Variants in CBLB observed in about 807,000 individuals in gnomAD.
The protein encoded by CBLB is E3 ubiquitin-protein ligase CBL-B.
CBLB carries 31 observed loss-of-function variants against 104.9 expected under a neutral mutation model. The ratio of observed to expected loss-of-function variants is 0.30; its 90% CI spans 0.22 to 0.40. The LOEUF is 0.40. CBLB is among the 10% of genes least tolerant of loss of function. The pLI, the probability that CBLB is intolerant of heterozygous loss-of-function variation, is 1.00. For missense variants in CBLB, 1,062 were observed against 1,214.6 expected (o/e 0.87, Z 1.87); for synonymous variants, 440 against 422.6 (o/e 1.04, Z -0.51).
intron 3 of CBLB, among the ~76,000 whole-genome samples, chr3:105,780,039 G>T (rs1318118860): frequency 6.6e-5 from 10 of 151,870 alleles, no homozygotes; most frequent in Admixed American, 3.3e-4. Flanking sequence ...TTTTAGTAGA[G>T]ACGGGGTTTC....
At chr3:105,848,989 T>C (rs1460504766) in intron 3 of CBLB, among the ~76,000 whole-genome samples, 2 of 152,166 alleles carry the variant, frequency 1.3e-5, no homozygotes, top group African/African-American at 2.4e-5. Flanking sequence ...CAGATTTTCA[T>C]AGATCAATAG....
chr3:105,700,280 T>C (rs2068900995), intron 12 of CBLB, among the ~76,000 whole-genome samples: 1 of 152,140 alleles, frequency 6.6e-6, no homozygotes, highest in South Asian at 2.1e-4. Context: ...TAACATGTTA[T>C]CTAAAAGAAC....
At chr3:105,664,585 T>C (rs1382905694) in intron 18 of CBLB, among the ~76,000 whole-genome samples, 3 of 152,162 alleles carry the variant, frequency 2.0e-5, no homozygotes, top group Non-Finnish European at 2.9e-5. Context: ...TTTCCTTTTA[T>C]TTTCCAATGC....
chr3:105,717,875 T>A (rs1418071237), intron 10 of CBLB, among the ~76,000 whole-genome samples: 2 of 152,224 alleles, frequency 1.3e-5, no homozygotes, highest in Non-Finnish European at 2.9e-5. Context: ...AGTGAGCATT[T>A]ATGACTTTGG....
At chr3:105,750,516 C>A (rs1443697075) in intron 5 of CBLB, among the ~76,000 whole-genome samples, 2 of 152,118 alleles carry the variant, frequency 1.3e-5, no homozygotes, top group Non-Finnish European at 2.9e-5. Flanking sequence ...GATCAATTTA[C>A]CTCATTTACT....
At position 105,704,087 on chromosome 3, in the gene CBLB, C is replaced by G. The variant is rs779328589; in HGVS notation, c.1494G>C (p.Gln498His). ...CGGGTGGCAGGCTTAGATGTGGGAT[C>G]TGGAGTGGGTCAGGCTGTGGCTTTC... ...QRRKPQPDPL[Q>H]IPHLSLPPVP... Residue 498 changes from glutamine (Q) to histidine (H), a missense_variant, in exon 11 of 19, where the codon CAG becomes CAC. By Grantham distance (24) the Gln-to-His change is conservative (BLOSUM62 0). Coordinates refer to ENST00000394030, the MANE Select transcript of CBLB (RefSeq NM_170662.5). 76 of 1,614,084 alleles carry G rather than the reference C, an allele frequency of 4.7e-5. 1 individual carries two copies. In the East Asian group the frequency reaches 1.6e-3, roughly 35 times the overall value.
chr3:105,852,659 C>A lies in CBLB; in HGVS notation c.419+755G>T, dbSNP rs993498404. On this transcript the variant is annotated intron_variant, in intron 3 of 18. Transcript: ENST00000394030. Reference sequence around the variant, plus strand: ...GTCCTAGGCCTTCACATTCACTCACCGTTCACTCACTCACTTCCAGTCTGG... The same window carrying A: ...GTCCTAGGCCTTCACATTCACTCACAGTTCACTCACTCACTTCCAGTCTGG... 5.0e-4 allele frequency among the ~76,000 whole-genome samples: 76 copies of A among 151,434 alleles called. 2 individuals are homozygous for A. Among genetic ancestry groups the A allele is most frequent in the Admixed American group, 5.0e-3 (76 of 15,190 alleles).
At position 105,704,182 on chromosome 3, in the gene CBLB, G is replaced by C; in HGVS notation, c.1408-9C>G. 6.2e-7 allele frequency: 1 copy of C among 1,613,312 alleles called. No individual in the cohort carries two copies. Among genetic ancestry groups the C allele is most frequent in the South Asian group, 1.1e-5 (1 of 91,044 alleles). On this transcript the variant is annotated splice_polypyrimidine_tract_variant and intron_variant, in intron 10 of 18. Coordinates refer to ENST00000394030, the MANE Select transcript of CBLB (RefSeq NM_170662.5). The stretch of plus-strand genomic sequence containing the variant: ...TTCTGCCTGTCAGTGCACTAGAACA[G>C]AAAAAGAGAAAGATGCCGCTGTTTA...
intron 14 of CBLB, among the ~76,000 whole-genome samples, chr3:105,683,165 TAATGATGGATTTTTACTGAAATTA>T (rs2066527254): frequency 6.6e-6 from 1 of 152,238 alleles, no homozygotes; most frequent in Admixed American, 6.5e-5. Flanking sequence ...ATCTTCATAA[TAATGATGGATTTTTACTGAAATTA>T]AATTGAATTA....
chr3:105,793,017 T>A (rs1290604531), intron 3 of CBLB, among the ~76,000 whole-genome samples: 2 of 152,166 alleles, frequency 1.3e-5, no homozygotes, highest in African/African-American at 4.8e-5. Context: ...TCCTTGTAAC[T>A]TAATAATTAA....
At chr3:105,689,180 T>G (rs1034718238) in intron 13 of CBLB, among the ~76,000 whole-genome samples, 1 of 152,074 alleles carries the variant, frequency 6.6e-6, no homozygotes, top group Non-Finnish European at 1.5e-5. Context: ...AGAGCTTAAA[T>G]TCCAAAGAGG....
At chr3:105,792,437 C>T (rs1018845028) in intron 3 of CBLB, among the ~76,000 whole-genome samples, 2 of 152,156 alleles carry the variant, frequency 1.3e-5, no homozygotes, top group African/African-American at 4.8e-5. Context: ...ACCTCAAGGG[C>T]AACTACTTAT....
intron 3 of CBLB, among the ~76,000 whole-genome samples, chr3:105,837,711 T>A (rs1313222798): frequency 6.6e-6 from 1 of 152,214 alleles, no homozygotes; most frequent in Admixed American, 6.5e-5. Context: ...AGAGTTGCTT[T>A]GAAATATATT....
chr3:105,813,847 T>G (rs184419546), intron 3 of CBLB, among the ~76,000 whole-genome samples: 2 of 152,292 alleles, frequency 1.3e-5, no homozygotes, highest in Admixed American at 1.3e-4. Context: ...TGTGACTGTT[T>G]CCTTGTCTTT....
intron 3 of CBLB, among the ~76,000 whole-genome samples, chr3:105,796,758 A>T (rs1013315989): frequency 3.9e-5 from 6 of 152,238 alleles, no homozygotes; most frequent in South Asian, 2.1e-4. Flanking sequence ...CCCATTAAAA[A>T]GTGGGCAAAG....
intron 15 of CBLB, 53 bp from the exon 16 acceptor site, chr3:105,681,663 T>C (rs1257960297): frequency 6.2e-7 from 1 of 1,611,960 alleles, no homozygotes; most frequent in Non-Finnish European, 8.5e-7. Flanking sequence ...GCATGAAATT[T>C]TGCCTTTAAA....
At chr3:105,741,554 C>T (rs2075586143) in intron 6 of CBLB, among the ~76,000 whole-genome samples, 1 of 152,160 alleles carries the variant, frequency 6.6e-6, no homozygotes, top group African/African-American at 2.4e-5. Context: ...CGCCACCACA[C>T]CCAGCTAATT....
chr3:105,838,933 C>T (rs1368049885), intron 3 of CBLB, among the ~76,000 whole-genome samples: 2 of 152,046 alleles, frequency 1.3e-5, no homozygotes, highest in African/African-American at 4.8e-5. Context: ...CTAAGTGACT[C>T]GAGACTGGAA....
intron 3 of CBLB, among the ~76,000 whole-genome samples, chr3:105,822,494 A>G (rs1340811709): frequency 6.6e-6 from 1 of 152,162 alleles, no homozygotes; most frequent in African/African-American, 2.4e-5. Context: ...AACTAAAATA[A>G]TGTTCCCACT....
Sources: allele counts gnomAD v4.1 joint callset (sites outside exome capture counted in the v4.1 genomes callset), GRCh38; gene constraint gnomAD v4.1.1; transcripts MANE v1.5; gene names NCBI Gene and HGNC (gene_info 2026-07-23, HGNC 2026-07-21).